The following CLEC12B variants were observed in gnomAD, a reference collection of about 807,000 sequenced individuals.
CLEC12B encodes macrophage antigen h.
In CLEC12B, 25 loss-of-function variants were observed where a neutral mutation model predicts 36.1. That is an observed-to-expected ratio of 0.69 (90% confidence interval 0.50 to 0.97). The LOEUF is 0.97. CLEC12B is among the 50% of genes least tolerant of loss of function. The pLI, the probability that CLEC12B is intolerant of heterozygous loss-of-function variation, is 0.00. For synonymous variants in CLEC12B, 110 were observed against 108.5 expected (o/e 1.01, Z -0.09); for missense variants, 325 against 318.4 (o/e 1.02, Z -0.16).
In CLEC12B at chr12:10,017,564, A is replaced by C; in HGVS notation, c.681-767A>C. The C allele has an allele frequency of 3.0e-6, 3 of 985,528 alleles. No individual in the cohort carries two copies. The South Asian group carries it at 1.4e-4, about 46-fold the overall frequency. The allele number at this position is 985,528 out of a possible 1,614,324, so 61.0% of individuals were successfully genotyped here. On this transcript the variant is annotated intron_variant, in intron 5 of 5. Coordinates refer to ENST00000338896, the MANE Select transcript of CLEC12B (RefSeq NM_001129998.3). ...ACATGCAGCTGTCAGACAAGCCAGC[A>C]TGTCAAACACAGGTTAGAGAGACTG...
upstream of CLEC12B, among the ~76,000 whole-genome samples, chr12:10,006,637 G>A (rs543536561): frequency 2.6e-5 from 4 of 152,226 alleles, no homozygotes; most frequent in Admixed American, 6.5e-5. Flanking sequence ...AGTTTGTCAC[G>A]AAAAGTGAAT....
chr12:10,013,007 C>G, intron 2 of CLEC12B, 124 bp downstream of exon 2: 1 of 722,932 alleles, frequency 1.4e-6, no homozygotes, highest in East Asian at 2.7e-5. Flanking sequence ...TCTGCTGTCT[C>G]ATATCTCTCC....
chr12:10,017,660 C>G (rs1337544169), intron 5 of CLEC12B: 2 of 979,612 alleles, frequency 2.0e-6, no homozygotes, highest in South Asian at 4.7e-5. Flanking sequence ...GTAAGCCTAG[C>G]CCTGAAGCAA....
chr12:10,012,225 A>T (rs558918606), intron 1 of CLEC12B, among the ~76,000 whole-genome samples: 1 of 152,338 alleles, frequency 6.6e-6, no homozygotes, highest in East Asian at 1.9e-4. Context: ...TACAAGGCAG[A>T]TAGAACATGT....
At chr12:10,018,260 C>T in intron 5 of CLEC12B, 71 bp from the exon 6 acceptor site, 1 of 913,122 alleles carries the variant, frequency 1.1e-6, no homozygotes. Flanking sequence ...GCTGTAAGAG[C>T]AACTGAGGGC....
intron 2 of CLEC12B, 76 bp downstream of exon 2, chr12:10,012,959 G>A: frequency 4.8e-6 from 5 of 1,039,494 alleles, no homozygotes; most frequent in Non-Finnish European, 7.6e-6. Context: ...AGCTTGGATT[G>A]TAGATGGGTC....
At chr12:10,017,660 C>A in intron 5 of CLEC12B, 1 of 979,726 alleles carries the variant, frequency 1.0e-6, no homozygotes, top group Non-Finnish European at 1.2e-6. Flanking sequence ...GTAAGCCTAG[C>A]CCTGAAGCAA....
At chr12:10,010,054 C>T (rs139407242), upstream of CLEC12B, among the ~76,000 whole-genome samples, 4 of 152,224 alleles carry the variant, frequency 2.6e-5, no homozygotes, top group African/African-American at 9.6e-5. Flanking sequence ...CTGTTAGGAA[C>T]TTTCCCAACC....
At chr12:10,016,465 G>A (rs991012652) in intron 5 of CLEC12B, 2 of 171,622 alleles carry the variant, frequency 1.2e-5, no homozygotes, top group African/African-American at 4.8e-5. Flanking sequence ...AAATGTGTAA[G>A]GGGATATTAG....
intron 5 of CLEC12B, chr12:10,017,658 AG>A: frequency 1.5e-5 from 15 of 980,966 alleles, no homozygotes; most frequent in Non-Finnish European, 1.7e-5. Flanking sequence ...TAGTAAGCCT[AG>A]CCCTGAAGCA....
chr12:10,006,838 G>A (rs1865233173), upstream of CLEC12B, among the ~76,000 whole-genome samples: 3 of 152,018 alleles, frequency 2.0e-5, no homozygotes, highest in Non-Finnish European at 2.9e-5. Context: ...GACAGATCAC[G>A]AGGTCAGGAG....
chr12:10,014,631 A>G lies in CLEC12B; in HGVS notation c.299A>G (p.Asn100Ser), dbSNP rs892669627. ...TTATCCCAGCAACTGGGCAACTCCA[A>G]CAACTTGTCCATGGAGGAGGAATTT... ...DNLSQQLGNS[N>S]NLSMEEEFLK... Residue 100 changes from asparagine to serine, a missense_variant, in exon 3 of 6, where the codon AAC becomes AGC. Physicochemically the swap from Asn to Ser is conservative, Grantham distance 46 (BLOSUM62 1). Coordinates refer to ENST00000338896, the MANE Select transcript of CLEC12B (RefSeq NM_001129998.3). 3.7e-6 allele frequency: 6 copies of G among 1,613,520 alleles called. No homozygotes were observed. Among genetic ancestry groups the G allele is most frequent in the African/African-American group, 2.7e-5 (2 of 74,912 alleles).
chr12:10,009,951 T>C (rs141942343), upstream of CLEC12B, among the ~76,000 whole-genome samples: 8 of 152,312 alleles, frequency 5.3e-5, no homozygotes, highest in African/African-American at 1.7e-4. Context: ...TGTAACAAAT[T>C]ACCACAGATG....
At chr12:10,015,479 T>C in intron 4 of CLEC12B, 73 bp downstream of exon 4, 1 of 1,561,970 alleles carries the variant, frequency 6.4e-7, no homozygotes, top group Non-Finnish European at 8.7e-7. Flanking sequence ...AAACATCTGA[T>C]TCACATGATG....
chr12:10,007,082 A>T (rs1865238713), upstream of CLEC12B, among the ~76,000 whole-genome samples: 1 of 151,906 alleles, frequency 6.6e-6, no homozygotes, highest in Non-Finnish European at 1.5e-5. Context: ...AATAAAAATA[A>T]AAAAAGAAAA....
chr12:10,006,566 G>A (rs1286271488), upstream of CLEC12B, among the ~76,000 whole-genome samples: 1 of 151,968 alleles, frequency 6.6e-6, no homozygotes, highest in Non-Finnish European at 1.5e-5. Context: ...TGGGTTGTGA[G>A]TGAAGCAAAA....
upstream of CLEC12B, chr12:10,010,544 C>G (rs761914105): frequency 1.5e-5 from 6 of 397,214 alleles, no homozygotes; most frequent in Non-Finnish European, 2.8e-5. Context: ...CTGTAACATT[C>G]TAATGAGAAT....
intron 2 of CLEC12B, chr12:10,013,118 G>C: frequency 8.0e-6 from 4 of 501,716 alleles, no homozygotes; most frequent in Non-Finnish European, 1.4e-5. Flanking sequence ...CTTAGACAAA[G>C]ACTCTTTGTT....
chr12:10,006,776 C>T (rs1275317957), upstream of CLEC12B, among the ~76,000 whole-genome samples: 4 of 152,036 alleles, frequency 2.6e-5, no homozygotes, highest in Non-Finnish European at 4.4e-5. Context: ...GAAAGAAGGG[C>T]CAGGCGTGGT....
Sources: allele counts gnomAD v4.1 joint callset (sites outside exome capture counted in the v4.1 genomes callset), GRCh38; gene constraint gnomAD v4.1.1; transcripts MANE v1.5; gene names NCBI Gene and HGNC (gene_info 2026-07-23, HGNC 2026-07-21).